SRD5A1: variants seen among roughly 807,000 people sequenced by gnomAD.
SRD5A1 encodes steroid 5 alpha-reductase 1.
A neutral mutation model predicts 28.2 loss-of-function variants in SRD5A1; 22 were observed. The ratio of observed to expected loss-of-function variants is 0.78; its 90% confidence interval spans 0.56 to 1.12. SRD5A1 has a LOEUF of 1.12. Among genes scored for constraint, SRD5A1 ranks in the 50% most tolerant of loss-of-function variants. The probability of loss-of-function intolerance (pLI) is 0.00; values close to 1 mark genes in which losing one functional copy is unlikely to be tolerated. For synonymous variants in SRD5A1, 151 were observed against 135.0 expected (o/e 1.12, Z -0.82); for missense variants, 300 against 346.7 (o/e 0.87, Z 1.07).
rs1738059457 is a variant in SRD5A1 at position 6,633,667 on chromosome 5, A to G, written c.91A>G (p.Asn31Asp). 6.3e-7 allele frequency: 1 copy of G among 1,582,470 alleles called. No homozygotes were observed. The highest frequency in any genetic ancestry group is 1.3e-5 in the African/African-American group (1 of 74,432). Residue 31 changes from asparagine to aspartate, a missense_variant, in exon 1 of 5, where the codon AAT (asparagine) becomes GAT (aspartate). Around this residue, in one of 2 missense-constraint regions of SRD5A1, gnomAD observed 174 missense variants for 160.9 expected, o/e 1.08. Coordinates refer to ENST00000274192, the MANE Select transcript of SRD5A1 (RefSeq NM_001047.4). ...CGTGGGCTGCGCGGTCTTCGCGCGC[A>G]ATCGTCAGACGAACTCAGTGTACGG... The part of the protein sequence containing the change: ...CAVGCAVFAR[N>D]RQTNSVYGRH...
At chr5:6,639,950 C>T (rs376772480) in intron 1 of SRD5A1, among the ~76,000 whole-genome samples, 2 of 152,246 alleles carry the variant, frequency 1.3e-5, no homozygotes, top group Admixed American at 1.3e-4. Flanking sequence ...TTTTTCTAAG[C>T]AGTAGAGATA....
At chr5:6,650,835 T>A (rs1165282060) in intron 1 of SRD5A1, among the ~76,000 whole-genome samples, 1 of 115,900 alleles carries the variant, frequency 8.6e-6, no homozygotes, top group African/African-American at 3.3e-5. Context: ...GATGTTCCCC[T>A]TCCTGTGTCC....
chr5:6,666,461 C>A (rs1739183982), intron 4 of SRD5A1, among the ~76,000 whole-genome samples: 1 of 152,046 alleles, frequency 6.6e-6, no homozygotes, highest in South Asian at 2.1e-4. Context: ...TTATAACGTT[C>A]TAAAAACAAA....
At chr5:6,641,007 C>T (rs570862593) in intron 1 of SRD5A1, among the ~76,000 whole-genome samples, 12 of 152,252 alleles carry the variant, frequency 7.9e-5, no homozygotes, top group Non-Finnish European at 1.3e-4. Context: ...ATTTTGGGTG[C>T]GAATGGGATG....
At chr5:6,661,859 C>G (rs1561004256) in intron 3 of SRD5A1, among the ~76,000 whole-genome samples, 1 of 152,146 alleles carries the variant, frequency 6.6e-6, no homozygotes, top group Admixed American at 6.5e-5. Flanking sequence ...AAAGCTCTGT[C>G]CTTACATGCC....
chr5:6,637,096 G>C (rs1389993469), intron 1 of SRD5A1, among the ~76,000 whole-genome samples: 2 of 152,084 alleles, frequency 1.3e-5, no homozygotes, highest in Non-Finnish European at 2.9e-5. Context: ...TGGGTTCTTG[G>C]GTGCAGGGGC....
Position 6,669,243 on chromosome 5 carries a change from C to T in SRD5A1, c.*975C>T, listed in dbSNP as rs1326839423. 1 of 152,224 alleles carries T rather than the reference C, an allele frequency of 6.6e-6. No individual in the cohort carries two copies. Among genetic ancestry groups the T allele is most frequent in the Non-Finnish European group, 1.5e-5 (1 of 68,032 alleles). The allele number at this position is 152,224 out of a possible 1,614,324, so 9.4% of individuals were successfully genotyped here. On this transcript the variant is annotated 3_prime_UTR_variant, in exon 5 of 5. Coordinates refer to ENST00000274192, the MANE Select transcript of SRD5A1 (RefSeq NM_001047.4). ...CCTGTTTGTTCTTTGTTGATTGAAA[C>T]ATAATAATTGTTAAAATTCTCTACA... is the stretch of plus-strand genomic sequence containing the variant.
rs1247709199 is a variant in SRD5A1 at position 6,672,485 on chromosome 5, G to A, written c.*4217G>A. 2 of 152,206 alleles carry A rather than the reference G, an allele frequency of 1.3e-5. No homozygotes were observed. The highest frequency in any genetic ancestry group is 2.9e-5 in the Non-Finnish European group (2 of 68,074). The allele number at this position is 152,206 out of a possible 1,614,324, so 9.4% of individuals were successfully genotyped here. A position where few individuals can be genotyped will look rare whatever the true frequency, so the allele number is the denominator to read the frequency against. On this transcript the variant is annotated 3_prime_UTR_variant, in exon 5 of 5. Coordinates refer to ENST00000274192, the MANE Select transcript of SRD5A1 (RefSeq NM_001047.4). ...AGACAGGGTTTCACCATGTTGTCCA[G>A]GCTGGTCTTGAACTCCTGACCTCAA...
At chr5:6,665,636 A>G (rs1459189444) in intron 4 of SRD5A1, among the ~76,000 whole-genome samples, 1 of 152,206 alleles carries the variant, frequency 6.6e-6, no homozygotes, top group East Asian at 1.9e-4. Context: ...TTTGATGTGA[A>G]GAAGTGAGTA....
At chr5:6,652,801 G>A (rs1738716357) in intron 2 of SRD5A1, among the ~76,000 whole-genome samples, 1 of 149,566 alleles carries the variant, frequency 6.7e-6, no homozygotes, top group Non-Finnish European at 1.5e-5. Context: ...CTGAGGCCAG[G>A]AGATCAAGGC....
chr5:6,642,512 A>G lies in SRD5A1; in HGVS notation c.293+8643A>G, dbSNP rs1288282929. Among the ~76,000 whole-genome samples, 8 of 152,196 alleles carry G rather than the reference A, an allele frequency of 5.3e-5. No homozygotes were observed. The South Asian group carries it at 1.7e-3, about 32-fold the overall frequency. ...AAACTTAGAATTTATATCCACTGCA[A>G]ACTCATGTGAGCATGGAGAGCTCAC... is the stretch of plus-strand genomic sequence containing the variant. On this transcript the variant is annotated intron_variant, in intron 1 of 4. Transcript: ENST00000274192.
At chr5:6,650,445 T>G (rs1738636944) in intron 1 of SRD5A1, among the ~76,000 whole-genome samples, 2 of 151,896 alleles carry the variant, frequency 1.3e-5, no homozygotes, top group Non-Finnish European at 2.9e-5. Flanking sequence ...TATTATCCTC[T>G]TAAGGTCTGT....
chr5:6,641,221 G>T (rs564052824), intron 1 of SRD5A1, among the ~76,000 whole-genome samples: 2 of 152,146 alleles, frequency 1.3e-5, no homozygotes, highest in African/African-American at 4.8e-5. Flanking sequence ...AAGTGCTGTC[G>T]TCCCTCTAGA....
chr5:6,664,337 C>A (rs115834669), intron 4 of SRD5A1, among the ~76,000 whole-genome samples: 4 of 152,210 alleles, frequency 2.6e-5, no homozygotes, highest in African/African-American at 9.6e-5. Flanking sequence ...AGCCTCACCA[C>A]GAGTTTGCAG....
intron 2 of SRD5A1, among the ~76,000 whole-genome samples, chr5:6,655,329 A>G (rs1445558820): frequency 6.6e-6 from 1 of 152,184 alleles, no homozygotes; most frequent in Non-Finnish European, 1.5e-5. Flanking sequence ...TTCTTGATGG[A>G]ATTAATTGAT....
At chr5:6,645,734 T>G (rs1738490169) in intron 1 of SRD5A1, among the ~76,000 whole-genome samples, 2 of 152,172 alleles carry the variant, frequency 1.3e-5, no homozygotes, top group African/African-American at 4.8e-5. Flanking sequence ...AACAGCTGTA[T>G]TCCTCTAAAA....
rs368904532 is a variant in SRD5A1, at chr5:6,665,679, G to A, written c.714-2523G>A. 3.8e-3 allele frequency among the ~76,000 whole-genome samples: 571 copies of A among 152,100 alleles called. 3 individuals are homozygous for A. Among genetic ancestry groups the A allele is most frequent in the Non-Finnish European group, 6.1e-3 (414 of 68,000 alleles). On this transcript the variant is annotated intron_variant, in intron 4 of 4. Transcript: ENST00000274192. ...ATTTCTCATTAAAAGAAACAAATGA[G>A]ATAACACTGACGTTTAAAAAAACAC...
intron 1 of SRD5A1, among the ~76,000 whole-genome samples, chr5:6,634,766 T>A (rs956017582): frequency 2.6e-5 from 4 of 152,258 alleles, no homozygotes; most frequent in Admixed American, 6.5e-5. Context: ...ATTTGAAAAC[T>A]GGCTGTGTCT....
intron 1 of SRD5A1, among the ~76,000 whole-genome samples, chr5:6,634,758 T>G (rs1738127384): frequency 6.6e-6 from 1 of 152,250 alleles, no homozygotes; most frequent in Admixed American, 6.5e-5. Flanking sequence ...TTTTGAATAT[T>G]TGAAAACTGG....
Sources: allele counts gnomAD v4.1 joint callset (sites outside exome capture counted in the v4.1 genomes callset), GRCh38; gene constraint gnomAD v4.1.1; regional missense constraint gnomAD v4.1.1; transcripts MANE v1.5; gene names NCBI Gene and HGNC (gene_info 2026-07-23, HGNC 2026-07-21).